Variants in SH3TC1 observed in about 807,000 individuals in gnomAD.
The protein encoded by SH3TC1 is SH3 domain and tetratricopeptide repeats 1, also known as SH3 domain and tetratricopeptide repeat-containing protein 1.
In SH3TC1, 135 loss-of-function variants were observed where a neutral mutation model predicts 117.3. That is an observed-to-expected ratio of 1.15 (90% CI 1.00 to 1.33). SH3TC1 has a LOEUF of 1.33. Ranked by LOEUF, SH3TC1 falls within the 40% of genes most tolerant of loss-of-function variation. The pLI is 0.00. For synonymous variants in SH3TC1, 898 were observed against 816.9 expected (o/e 1.10, Z -1.69); for missense variants, 2,092 against 1,794.3 (o/e 1.17, Z -3.00).
intron 9 of SH3TC1, 149 bp downstream of exon 9, chr4:8,219,679 C>A (rs958465611): frequency 1.8e-5 from 17 of 920,900 alleles, no homozygotes; most frequent in Middle Eastern, 7.2e-4. Context: ...GGCTGCTGCC[C>A]CCTTGGCCCC....
At chr4:8,182,566 C>G (rs927693319) in intron 1 of SH3TC1, among the ~76,000 whole-genome samples, 3 of 152,116 alleles carry the variant, frequency 2.0e-5, no homozygotes, top group African/African-American at 7.2e-5. Context: ...AGGTGAGGTG[C>G]CAAGAGGCTG....
Position 8,225,445 on chromosome 4 carries a change from C to T in SH3TC1, c.1285+229C>T, listed in dbSNP as rs1055536057. Among the ~76,000 whole-genome samples, 4 of 152,148 alleles carry T rather than the reference C, an allele frequency of 2.6e-5. No homozygotes were observed. Among genetic ancestry groups the T allele is most frequent in the African/African-American group, 9.7e-5 (4 of 41,426 alleles). ...ACTTCTTCCAATGAACATGCTGGCCCCCGCCTGGTCCCCGCCCAAGATGGA... is the reference window on the plus strand; with the variant it reads ...ACTTCTTCCAATGAACATGCTGGCCTCCGCCTGGTCCCCGCCCAAGATGGA... On this transcript the variant is annotated intron_variant, in intron 11 of 17. Transcript: ENST00000245105. This position sits in a 1 kb window ranked among gnomAD's most constrained non-coding sequence, Gnocchi z 5.5.
chr4:8,187,411 G>A (rs1256082975), intron 1 of SH3TC1, among the ~76,000 whole-genome samples: 3 of 152,116 alleles, frequency 2.0e-5, no homozygotes, highest in African/African-American at 4.8e-5. Flanking sequence ...AGGAGTGGGG[G>A]TCATGCTCCG....
chr4:8,197,229 G>A (rs975563426), upstream of SH3TC1, among the ~76,000 whole-genome samples: 1 of 152,182 alleles, frequency 6.6e-6, no homozygotes. Flanking sequence ...CCAGAGGCTG[G>A]AGCAGGCAGG....
chr4:8,227,907 G>C lies in SH3TC1; in HGVS notation c.2213G>C (p.Arg738Pro), dbSNP rs150708538. Residue 738 changes from arginine (R) to proline (P), a missense_variant, in exon 12 of 18, where the codon CGG (arginine) becomes CCG (proline). Arg to Pro is a moderately radical substitution (Grantham distance 103). Coordinates refer to ENST00000245105, the MANE Select transcript of SH3TC1 (RefSeq NM_018986.5). Reference sequence around the variant, plus strand: ...GTCAAGGTGGCCTCATTGCGGACACGGGGCTCGCTGGCCGGCTCGCTGAGG... The same window carrying C: ...GTCAAGGTGGCCTCATTGCGGACACCGGGCTCGCTGGCCGGCTCGCTGAGG... ...SCVKVASLRTRGSLAGSLRSV... is the reference protein window; with the variant it reads ...SCVKVASLRTPGSLAGSLRSV... 2,646 of 1,612,746 alleles carry C rather than the reference G, an allele frequency of 1.6e-3. 38 individuals are homozygous for C. The African/African-American group carries it at 0.031, about 19-fold the overall frequency.
At chr4:8,223,794 T>A (rs1201381159) in intron 10 of SH3TC1, among the ~76,000 whole-genome samples, 1 of 152,024 alleles carries the variant, frequency 6.6e-6, no homozygotes, top group African/African-American at 2.4e-5. Flanking sequence ...CACCACACCC[T>A]GGATTAGTTT....
In SH3TC1 at chr4:8,227,855, T is replaced by A. The variant is rs781227113; in HGVS notation, c.2161T>A (p.Cys721Ser). The stretch of plus-strand genomic sequence containing the variant: ...CCTGGCTGACATCTACAGCCGCAAG[T>A]GCCTGCCCCACCTGGTGCTGAGCTG... ...LLLADIYSRK[C>S]LPHLVLSCVK... The change falls in exon 12 of 18, where the codon TGC (cysteine) becomes AGC (serine). Residue 721 changes from cysteine (C) to serine (S), a missense_variant. Physicochemically the swap from Cys to Ser is moderately radical, Grantham distance 112. Coordinates refer to ENST00000245105, the MANE Select transcript of SH3TC1 (RefSeq NM_018986.5). 1.9e-6 allele frequency: 3 copies of A among 1,612,818 alleles called. No homozygotes were observed. Among genetic ancestry groups the A allele is most frequent in the Non-Finnish European group, 2.5e-6 (3 of 1,179,974 alleles).
rs771762097 is a variant in SH3TC1 at position 8,238,827 on chromosome 4, C to T, written c.3753+1157C>T. Among the ~76,000 whole-genome samples, 8 of 152,200 alleles carry T rather than the reference C, an allele frequency of 5.3e-5. No individual in the cohort carries two copies. The East Asian group carries it at 7.7e-4, about 15-fold the overall frequency. On this transcript the variant is annotated intron_variant, in intron 17 of 17. Coordinates refer to ENST00000245105, the MANE Select transcript of SH3TC1 (RefSeq NM_018986.5). ...CGCCCACCCAGGAGGAAGGAAAGGA[C>T]GAAGTAGTCCCTGAGAGGCCAAAGT...
At chr4:8,191,741 C>T (rs1203646307) in intron 1 of SH3TC1, among the ~76,000 whole-genome samples, 4 of 152,062 alleles carry the variant, frequency 2.6e-5, no homozygotes, top group Admixed American at 6.6e-5. Flanking sequence ...GCAGGTCCTT[C>T]CCCCCATTCT....
In SH3TC1 at chr4:8,218,269, A is replaced by T. The variant is rs768879499; in HGVS notation, c.840-2A>T. On this transcript the variant is annotated splice_acceptor_variant, in intron 7 of 17. Transcript: ENST00000245105. LOFTEE classifies it high-confidence loss of function. Reference sequence around the variant, plus strand: ...GCAAAGACCTCCCTCTTCCGGCTCCAGGTGGGCTCTTAGGATCCCCCAGGA... The same window carrying T: ...GCAAAGACCTCCCTCTTCCGGCTCCTGGTGGGCTCTTAGGATCCCCCAGGA... 2.4e-5 allele frequency: 38 copies of T among 1,609,348 alleles called. No homozygotes were observed. In the Admixed American group the frequency reaches 6.4e-4, roughly 27 times the overall value.
intron 1 of SH3TC1, among the ~76,000 whole-genome samples, chr4:8,193,095 G>A (rs1233375941): frequency 6.6e-6 from 1 of 152,224 alleles, no homozygotes; most frequent in Non-Finnish European, 1.5e-5. Flanking sequence ...CTGCTGTAAG[G>A]GCAGGGTTGT....
intron 17 of SH3TC1, among the ~76,000 whole-genome samples, chr4:8,240,114 A>G (rs912700409): frequency 7.2e-5 from 11 of 151,784 alleles, no homozygotes; most frequent in African/African-American, 2.7e-4. Context: ...GGGGGATGGG[A>G]GGGTCAAGGA....
At chr4:8,196,987 C>T (rs1717574974), upstream of SH3TC1, among the ~76,000 whole-genome samples, 1 of 152,150 alleles carries the variant, frequency 6.6e-6, no homozygotes, top group South Asian at 2.1e-4. This position sits in a 1 kb window ranked among gnomAD's most constrained non-coding sequence, Gnocchi z 4.6. Context: ...AAAGGTAGGA[C>T]CACCCTGAAC....
chr4:8,237,815 G>C, intron 17 of SH3TC1, 145 bp downstream of exon 17: 1 of 902,272 alleles, frequency 1.1e-6, no homozygotes, highest in Non-Finnish European at 1.6e-6. Flanking sequence ...GGAGGAGCTG[G>C]CAAGGTTAGC....
At position 8,205,730 on chromosome 4, in the gene SH3TC1, C is replaced by T. The variant is rs757165620; in HGVS notation, c.172+364C>T. The T allele has an allele frequency of 3.3e-5, 23 of 688,032 alleles. No individual in the cohort carries two copies. Among genetic ancestry groups the T allele is most frequent in the Non-Finnish European group, 4.6e-5 (17 of 372,610 alleles). 42.6% of individuals were successfully genotyped at this position (688,032 alleles called of 1,614,324 possible). A position where few individuals can be genotyped will look rare whatever the true frequency, so the allele number is the denominator to read the frequency against. ...GAGAGTCCTCAGGATGAGGCATCCT[C>T]GTTCTCCAGGAGGCACCCAAGGTGC... is the stretch of plus-strand genomic sequence containing the variant. On this transcript the variant is annotated intron_variant, in intron 2 of 17. Transcript: ENST00000245105. This position sits in a 1 kb window ranked among gnomAD's most constrained non-coding sequence, Gnocchi z 5.4.
chr4:8,234,145 CA>C (rs1721559464), intron 14 of SH3TC1, among the ~76,000 whole-genome samples: 1 of 72,548 alleles, frequency 1.4e-5, no homozygotes, highest in Non-Finnish European at 3.9e-5. Flanking sequence ...TTTATCCATT[CA>C]TCCATCCATC....
intron 12 of SH3TC1, among the ~76,000 whole-genome samples, chr4:8,230,022 A>G (rs1721031118): frequency 6.9e-6 from 1 of 144,968 alleles, no homozygotes; most frequent in African/African-American, 2.5e-5. Context: ...ACCGGGGGCC[A>G]GGGGACGAGG....
upstream of SH3TC1, among the ~76,000 whole-genome samples, chr4:8,196,648 G>T (rs1383752573): frequency 6.6e-6 from 1 of 152,186 alleles, no homozygotes; most frequent in Non-Finnish European, 1.5e-5. The surrounding 1 kb of genome is among the most constrained non-coding windows in gnomAD (Gnocchi z 4.6). Flanking sequence ...CTGAGACAGG[G>T]GAGGCAGAGG....
At chr4:8,236,849 G>C (rs545684315) in intron 16 of SH3TC1, 2 of 172,280 alleles carry the variant, frequency 1.2e-5, no homozygotes, top group Admixed American at 6.1e-5. Flanking sequence ...CTTAATGCCG[G>C]GCATCCCCCG....
Sources: gnomAD v4.1 joint callset for allele counts (sites outside exome capture counted in the v4.1 genomes callset) on GRCh38, gnomAD v4.1.1 for gene constraint, Gnocchi (gnomAD v3.1) non-coding constraint, MANE v1.5 for transcripts, NCBI Gene and HGNC (gene_info 2026-07-23, HGNC 2026-07-21) for gene names.